The following HS3ST4 variants were observed in gnomAD, a reference collection of about 807,000 sequenced individuals.
HS3ST4 encodes heparan sulfate glucosamine 3-O-sulfotransferase 4.
In HS3ST4, 17 loss-of-function variants were observed where a neutral mutation model predicts 29.2. That is an observed-to-expected ratio of 0.58 (90% CI 0.40 to 0.87). The LOEUF is 0.87. Among genes scored for constraint, HS3ST4 ranks in the 40% least tolerant of loss-of-function variants. The pLI is 0.00. For synonymous variants in HS3ST4, 314 were observed against 285.7 expected (o/e 1.10, Z -1.00); for missense variants, 627 against 634.5 (o/e 0.99, Z 0.13).
intron 1 of HS3ST4, among the ~76,000 whole-genome samples, chr16:25,694,626 A>C (rs1371963185): frequency 6.6e-6 from 1 of 152,202 alleles, no homozygotes; most frequent in East Asian, 1.9e-4. Flanking sequence ...ATAATTAAAA[A>C]GGTGTTAGGA....
At chr16:25,979,581 C>T (rs1225745821) in intron 1 of HS3ST4, among the ~76,000 whole-genome samples, 3 of 152,156 alleles carry the variant, frequency 2.0e-5, no homozygotes, top group Non-Finnish European at 2.9e-5. Flanking sequence ...CAGATGGGAC[C>T]GTCTAGTTGC....
In HS3ST4 at chr16:25,890,604, A is replaced by T. The variant is rs568813800; in HGVS notation, c.734+197453A>T. On this transcript the variant is annotated intron_variant, in intron 1 of 1. Transcript: ENST00000331351. Reference sequence around the variant, plus strand: ...CACTTTTTGGCTGGAGAGAAACCTAATGGCTTTTCCATCATGGAATCTATG... The same window carrying T: ...CACTTTTTGGCTGGAGAGAAACCTATTGGCTTTTCCATCATGGAATCTATG... Among the ~76,000 whole-genome samples the T allele has an allele frequency of 5.5e-4, 84 of 152,278 alleles. 1 individual carries two copies. In the Middle Eastern group the frequency reaches 0.017, roughly 31 times the overall value.
At chr16:25,914,372 A>T (rs1968271318) in intron 1 of HS3ST4, among the ~76,000 whole-genome samples, 1 of 149,788 alleles carries the variant, frequency 6.7e-6, no homozygotes, top group East Asian at 2.0e-4. Context: ...ATGGGGCTGG[A>T]TGTGATGTTT....
At chr16:25,861,526 T>G (rs1174687079) in intron 1 of HS3ST4, among the ~76,000 whole-genome samples, 1 of 152,216 alleles carries the variant, frequency 6.6e-6, no homozygotes, top group Non-Finnish European at 1.5e-5. Flanking sequence ...TCTAAACTTT[T>G]TTGTTGTTGT....
intron 1 of HS3ST4, among the ~76,000 whole-genome samples, chr16:26,003,351 G>A (rs1969229125): frequency 6.6e-6 from 1 of 152,164 alleles, no homozygotes; most frequent in Non-Finnish European, 1.5e-5. Context: ...TTAGAACAGG[G>A]TCTGACACAT....
rs528529731 is a variant in HS3ST4, at chr16:26,134,520, G to A, written c.735-1092G>A. Among the ~76,000 whole-genome samples the A allele has an allele frequency of 7.9e-5, 12 of 151,852 alleles. No homozygotes were observed. In the South Asian group the frequency reaches 2.5e-3, roughly 32 times the overall value. On this transcript the variant is annotated intron_variant, in intron 1 of 1. Coordinates refer to ENST00000331351, the MANE Select transcript of HS3ST4 (RefSeq NM_006040.3). ...TGGGACTGCAGGCGCGTGCCACCATGCCCGGCTAATTTTTGTATTTTAGTA... is the reference window on the plus strand; with the variant it reads ...TGGGACTGCAGGCGCGTGCCACCATACCCGGCTAATTTTTGTATTTTAGTA...
intron 1 of HS3ST4, among the ~76,000 whole-genome samples, chr16:25,741,821 A>T (rs1966655698): frequency 6.6e-6 from 1 of 152,172 alleles, no homozygotes; most frequent in African/African-American, 2.4e-5. Flanking sequence ...GCTCAGAGGG[A>T]TGGAGTCACT....
At chr16:25,987,106 T>C (rs1969071689) in intron 1 of HS3ST4, among the ~76,000 whole-genome samples, 2 of 152,170 alleles carry the variant, frequency 1.3e-5, no homozygotes, top group South Asian at 4.1e-4. Context: ...ATCCCAGCAC[T>C]TTGGGAGGCC....
At chr16:26,007,537 C>T (rs1784444140) in intron 1 of HS3ST4, among the ~76,000 whole-genome samples, 1 of 152,148 alleles carries the variant, frequency 6.6e-6, no homozygotes, top group South Asian at 2.1e-4. Context: ...CTGAAAGTGT[C>T]CCGGAATTCA....
chr16:25,870,520 G>A (rs13335180), intron 1 of HS3ST4, among the ~76,000 whole-genome samples: 13,044 of 152,144 alleles, frequency 0.086, 1,826 homozygotes, highest in African/African-American at 0.29. Flanking sequence ...CAAATGGGAA[G>A]TCCCTGAGAT....
At chr16:25,864,351 TGCA>T (rs1967671763) in intron 1 of HS3ST4, among the ~76,000 whole-genome samples, 2 of 152,190 alleles carry the variant, frequency 1.3e-5, no homozygotes, top group Non-Finnish European at 2.9e-5. Context: ...CTTTTAAGTG[TGCA>T]AAGCATCATT....
chr16:25,794,375 C>T (rs1413760419), intron 1 of HS3ST4, among the ~76,000 whole-genome samples: 2 of 151,976 alleles, frequency 1.3e-5, no homozygotes, highest in East Asian at 3.8e-4. Context: ...TCATTTTCCT[C>T]CTTCCTGTAG....
At chr16:25,758,987 A>AC (rs71962149) in intron 1 of HS3ST4, among the ~76,000 whole-genome samples, 3 of 115,670 alleles carry the variant, frequency 2.6e-5, no homozygotes, top group East Asian at 2.1e-4. Context: ...AACAAAAAAA[A>AC]ACCCCAGAAA....
rs780566032 is a variant in HS3ST4, at chr16:26,135,850, G to A, written c.973G>A (p.Asp325Asn). Residue 325 changes from aspartate to asparagine, a missense_variant, in exon 2 of 2, where the codon GAT becomes AAT. Physicochemically the swap from Asp to Asn is conservative, Grantham distance 23. Around this residue, in one of 2 missense-constraint regions of HS3ST4, gnomAD observed 225 missense variants for 293.7 expected, o/e 0.77. Coordinates refer to ENST00000331351, the MANE Select transcript of HS3ST4 (RefSeq NM_006040.3). ...AFKNRTLGLI[D>N]ASWSAIRIGI... ...CAAAAACCGGACCCTCGGGCTGATC[G>A]ATGCTTCCTGGAGTGCCATTCGAAT... 54 of 1,613,866 alleles carry A rather than the reference G, an allele frequency of 3.3e-5. No homozygotes were observed. The South Asian group carries it at 4.4e-4, about 13-fold the overall frequency.
intron 1 of HS3ST4, among the ~76,000 whole-genome samples, chr16:25,856,919 G>T (rs1409072569): frequency 6.6e-6 from 1 of 152,168 alleles, no homozygotes; most frequent in African/African-American, 2.4e-5. Flanking sequence ...GTGGTCATGG[G>T]AACTCCTGAA....
At chr16:25,741,364 G>GT (rs1966650552) in intron 1 of HS3ST4, among the ~76,000 whole-genome samples, 1 of 13,812 alleles carries the variant, frequency 7.2e-5, no homozygotes, top group African/African-American at 2.2e-4. Context: ...TGAATTCAAG[G>GT]TAAAAAAAAA....
At chr16:25,781,643 A>G (rs962269230) in intron 1 of HS3ST4, among the ~76,000 whole-genome samples, 1 of 152,170 alleles carries the variant, frequency 6.6e-6, no homozygotes. Context: ...GAGACCTTGA[A>G]TATCTATGTA....
chr16:25,730,659 C>T (rs1002307071), intron 1 of HS3ST4, among the ~76,000 whole-genome samples: 2 of 144,692 alleles, frequency 1.4e-5, no homozygotes, highest in Admixed American at 7.1e-5. Flanking sequence ...TTCTCTCCCT[C>T]TCTTCCTTCT....
intron 1 of HS3ST4, among the ~76,000 whole-genome samples, chr16:25,950,640 A>G (rs1968673894): frequency 6.6e-6 from 1 of 151,950 alleles, no homozygotes; most frequent in South Asian, 2.1e-4. Flanking sequence ...CTGTTGCACC[A>G]TCTCAAGCTG....
Sources: allele counts gnomAD v4.1 joint callset (sites outside exome capture counted in the v4.1 genomes callset), GRCh38; gene constraint gnomAD v4.1.1; regional missense constraint gnomAD v4.1.1; transcripts MANE v1.5; gene names NCBI Gene and HGNC (gene_info 2026-07-23, HGNC 2026-07-21).